The following WASF2 variants were observed in gnomAD, a reference collection of about 807,000 sequenced individuals.
The protein encoded by WASF2 is WASP family member 2, also known as actin-binding protein WASF2.
Under a neutral mutation model 45.0 loss-of-function variants are expected in WASF2, and 14 were observed. The ratio of observed to expected loss-of-function variants is 0.31; its 90% CI spans 0.21 to 0.49. The LOEUF (loss-of-function observed/expected upper bound fraction) is 0.49. WASF2 is among the 20% of genes least tolerant of loss of function. The pLI, the probability that WASF2 is intolerant of heterozygous loss-of-function variation, is 0.99. For missense variants in WASF2, 439 were observed against 636.1 expected, an observed-to-expected ratio of 0.69 and a Z score of 3.33; for synonymous variants, 200 against 236.3, an observed-to-expected ratio of 0.85 and a Z score of 1.41.
At chr1:27,486,841 C>T (rs1375879855) in intron 1 of WASF2, among the ~76,000 whole-genome samples, 1 of 151,396 alleles carries the variant, frequency 6.6e-6, no homozygotes, top group Non-Finnish European at 1.5e-5. Flanking sequence ...GGAGAATCGC[C>T]CGAACCTGGG....
chr1:27,448,635 G>T (rs1000244309), intron 1 of WASF2, among the ~76,000 whole-genome samples: 2 of 151,968 alleles, frequency 1.3e-5, no homozygotes, highest in Non-Finnish European at 2.9e-5. Flanking sequence ...TGGATCTCTT[G>T]AAGTCAGGAG....
chr1:27,436,456 C>T (rs1162747305), intron 1 of WASF2, among the ~76,000 whole-genome samples: 1 of 151,370 alleles, frequency 6.6e-6, no homozygotes, highest in Non-Finnish European at 1.5e-5. Flanking sequence ...GACCCTGTCT[C>T]AAAAAGAAAG....
At chr1:27,454,153 G>GTATATATA (rs869245464) in intron 1 of WASF2, among the ~76,000 whole-genome samples, 3 of 98,692 alleles carry the variant, frequency 3.0e-5, no homozygotes, top group South Asian at 3.8e-4. Context: ...GTGTGTGTGT[G>GTATATATA]TATATATATA....
chr1:27,485,952 T>A (rs565073907), intron 1 of WASF2, among the ~76,000 whole-genome samples: 10 of 152,198 alleles, frequency 6.6e-5, no homozygotes, highest in Non-Finnish European at 8.8e-5. Flanking sequence ...CCTTGTGATC[T>A]GCCCGCCTCG....
intron 1 of WASF2, among the ~76,000 whole-genome samples, chr1:27,463,804 A>T (rs11802732): frequency 0.22 from 30,448 of 136,968 alleles, 3,374 homozygotes; most frequent in African/African-American, 0.28. Context: ...TATTATTATT[A>T]TTTTTTTTTT....
chr1:27,440,520 T>TAA (rs774741330), intron 1 of WASF2, among the ~76,000 whole-genome samples: 5 of 137,958 alleles, frequency 3.6e-5, no homozygotes, highest in African/African-American at 5.4e-5. Flanking sequence ...GACCCTGTCT[T>TAA]AAAAAAAAAA....
At position 27,410,106 on chromosome 1, in the gene WASF2, G is replaced by C. The variant is rs1217044377; in HGVS notation, c.925C>G (p.Pro309Ala). Reference sequence around the variant, plus strand: ...GCAAACCCGGGTTTAGGGCCTGGTGGAGAGCCTAGAGGAGGAGCTGGTGGT... The same window carrying C: ...GCAAACCCGGGTTTAGGGCCTGGTGCAGAGCCTAGAGGAGGAGCTGGTGGT... The part of the protein sequence containing the change: ...HPPPAPPLGS[P>A]PGPKPGFAPP... Residue 309 changes from proline (P) to alanine (A), a missense_variant, in exon 8 of 9, where the codon CCA becomes GCA. Physicochemically the swap from Pro to Ala is conservative, Grantham distance 27. Around this residue, in one of 5 missense-constraint regions of WASF2, gnomAD observed 286 missense variants for 373.5 expected, o/e 0.77. Coordinates refer to ENST00000618852, the MANE Select transcript of WASF2 (RefSeq NM_006990.5). This position sits in a 1 kb window ranked among gnomAD's most constrained non-coding sequence, Gnocchi z 4.2. The C allele has an allele frequency of 6.2e-7, 1 of 1,613,558 alleles. No homozygotes were observed. Among genetic ancestry groups the C allele is most frequent in the African/African-American group, 1.3e-5 (1 of 74,906 alleles).
rs1001931340 is a variant in WASF2 at position 27,485,150 on chromosome 1, C to CA, written c.-44+4835dup. Among the ~76,000 whole-genome samples the CA allele has an allele frequency of 3.0e-3, 421 of 139,418 alleles. 2 individuals carry two copies. The highest frequency in any genetic ancestry group is 0.022 in the Middle Eastern group (6 of 270). The allele number at this position is 139,418 out of a possible 152,430, so 91.5% of individuals were successfully genotyped here. A position where few individuals can be genotyped will look rare whatever the true frequency, so the allele number is the denominator to read the frequency against. ...GGGCAATAAGAGCGAAACTTGGTCT[C>CA]AAAAAAAAAAAATTGGCAAACATGA... is the stretch of plus-strand genomic sequence containing the variant. On this transcript the variant is annotated intron_variant, in intron 1 of 8. Transcript: ENST00000618852.
intron 1 of WASF2, among the ~76,000 whole-genome samples, chr1:27,480,843 C>A (rs1279309071): frequency 6.6e-6 from 1 of 151,946 alleles, no homozygotes; most frequent in East Asian, 1.9e-4. Context: ...CCCGTCTCTA[C>A]TAAAAATACA....
At chr1:27,485,815 G>A (rs976770821) in intron 1 of WASF2, among the ~76,000 whole-genome samples, 5 of 152,126 alleles carry the variant, frequency 3.3e-5, no homozygotes, top group East Asian at 1.9e-4. Flanking sequence ...GGATTCAAGC[G>A]ATTCTCCTGC....
At chr1:27,457,757 A>C (rs1283383354) in intron 1 of WASF2, among the ~76,000 whole-genome samples, 1 of 151,710 alleles carries the variant, frequency 6.6e-6, no homozygotes, top group Admixed American at 6.6e-5. Context: ...AGTAGTTAAG[A>C]CTATAGGTGT....
chr1:27,445,953 CT>C (rs888277631), intron 1 of WASF2, among the ~76,000 whole-genome samples: 3 of 150,878 alleles, frequency 2.0e-5, no homozygotes, highest in Non-Finnish European at 3.0e-5. Context: ...ATATTCTTCT[CT>C]TTTTCTAAAA....
intron 1 of WASF2, among the ~76,000 whole-genome samples, chr1:27,464,208 C>T (rs182169933): frequency 1.3e-3 from 193 of 151,586 alleles, no homozygotes; most frequent in African/African-American, 4.5e-3. Flanking sequence ...GGTGAAACCC[C>T]ATCTCTACTA....
chr1:27,429,386 G>A (rs1428880189), intron 1 of WASF2, among the ~76,000 whole-genome samples: 1 of 152,150 alleles, frequency 6.6e-6, no homozygotes, highest in African/African-American at 2.4e-5. Context: ...ACTGTCACCT[G>A]ATAATCTCCA....
At position 27,410,546 on chromosome 1, in the gene WASF2, C is replaced by T. The variant is rs1035997479; in HGVS notation, c.825-340G>A. 4.6e-5 allele frequency among the ~76,000 whole-genome samples: 7 copies of T among 152,148 alleles called. No individual in the cohort carries two copies. Among genetic ancestry groups the T allele is most frequent in the African/African-American group, 1.7e-4 (7 of 41,418 alleles). ...CTCTAAGGGGAAGGCACCCTCCCTC[C>T]CCTTCCCTAAGAAGGATGGTCCATG... On this transcript the variant is annotated intron_variant, in intron 7 of 8. Coordinates refer to ENST00000618852, the MANE Select transcript of WASF2 (RefSeq NM_006990.5). The surrounding 1 kb of genome is among the most constrained non-coding windows in gnomAD (Gnocchi z 4.2).
intron 1 of WASF2, among the ~76,000 whole-genome samples, chr1:27,451,596 GCTCT>G (rs1007586195): frequency 1.3e-5 from 2 of 152,182 alleles, no homozygotes; most frequent in Non-Finnish European, 2.9e-5. Context: ...CATTTAGAAA[GCTCT>G]CTCTGGCAGC....
chr1:27,477,685 G>A (rs1450289391), intron 1 of WASF2, among the ~76,000 whole-genome samples: 1 of 140,750 alleles, frequency 7.1e-6, no homozygotes, highest in African/African-American at 2.9e-5. Context: ...GGATCACGAG[G>A]TCAGGAGATC....
intron 1 of WASF2, among the ~76,000 whole-genome samples, chr1:27,488,353 G>T (rs867261066): frequency 6.6e-6 from 1 of 152,126 alleles, no homozygotes; most frequent in Non-Finnish European, 1.5e-5. Context: ...CACAAAGAAA[G>T]GGATATTAAG....
chr1:27,418,542 G>A, intron 3 of WASF2, 120 bp from the exon 4 acceptor site: 1 of 1,394,790 alleles, frequency 7.2e-7, no homozygotes, highest in Admixed American at 2.3e-5. Context: ...CCGCAGCCAG[G>A]CTTTTTTTTT....
Sources: gnomAD v4.1 joint callset for allele counts (sites outside exome capture counted in the v4.1 genomes callset) on GRCh38, gnomAD v4.1.1 for gene constraint, gnomAD v4.1.1 regional missense constraint, Gnocchi (gnomAD v3.1) non-coding constraint, MANE v1.5 for transcripts, NCBI Gene and HGNC (gene_info 2026-07-23, HGNC 2026-07-21) for gene names.